Variants in DIAPH2 observed in about 807,000 individuals in gnomAD.
The protein encoded by DIAPH2 is diaphanous related formin 2, also known as protein diaphanous homolog 2.
In DIAPH2, 35 loss-of-function variants were observed where a neutral mutation model predicts 92.7. The ratio of observed to expected loss-of-function variants is 0.38; its 90% CI spans 0.29 to 0.50. The LOEUF (loss-of-function observed/expected upper bound fraction) is 0.50. Ranked by LOEUF, DIAPH2 falls within the 20% of genes least tolerant of loss-of-function variation. DIAPH2 has a pLI of 0.94. For missense variants in DIAPH2, 701 were observed against 819.5 expected, an observed-to-expected ratio of 0.86 and a Z score of 1.77; for synonymous variants, 301 against 280.4, an observed-to-expected ratio of 1.07 and a Z score of -0.73.
intron 1 of DIAPH2, among the ~76,000 whole-genome samples, chrX:96,721,418 T>C (rs1476149359): frequency 8.9e-6 from 1 of 112,145 alleles, no homozygotes; most frequent in African/African-American, 3.2e-5. Context: ...CATTTGTTGC[T>C]TACTGACTGT....
At chrX:96,751,334 T>G (rs2064185655) in intron 3 of DIAPH2, among the ~76,000 whole-genome samples, 1 of 109,936 alleles carries the variant, frequency 9.1e-6, no homozygotes, top group South Asian at 4.0e-4. Context: ...TCCAGCACTT[T>G]GGGAGGCCGA....
At chrX:97,254,921 G>T (rs1479813708) in intron 23 of DIAPH2, among the ~76,000 whole-genome samples, 1 of 109,791 alleles carries the variant, frequency 9.1e-6, no homozygotes, top group Non-Finnish European at 1.9e-5. Flanking sequence ...GGCCAGGCTG[G>T]TCTCGAACTC....
At chrX:96,875,058 T>G (rs1946233537) in intron 4 of DIAPH2, among the ~76,000 whole-genome samples, 1 of 112,273 alleles carries the variant, frequency 8.9e-6, no homozygotes, top group Admixed American at 9.5e-5. Flanking sequence ...AAACTTTGTT[T>G]CATGCACAAA....
At chrX:97,582,488 T>C (rs1458935647) in intron 26 of DIAPH2, among the ~76,000 whole-genome samples, 2 of 110,728 alleles carry the variant, frequency 1.8e-5, no homozygotes, top group Admixed American at 9.6e-5. Flanking sequence ...TCTTTAAGAA[T>C]GTTGAATACT....
chrX:96,833,817 T>C (rs916727848), intron 4 of DIAPH2, among the ~76,000 whole-genome samples: 4 of 110,333 alleles, frequency 3.6e-5, no homozygotes, highest in East Asian at 2.8e-4. Context: ...TACACCACCA[T>C]GTCTGGCTAA....
chrX:97,382,725 A>C (rs2069562616), intron 24 of DIAPH2, among the ~76,000 whole-genome samples: 1 of 111,860 alleles, frequency 8.9e-6, no homozygotes, highest in Admixed American at 9.5e-5. Flanking sequence ...TGAAGGTAAA[A>C]TCATTTAGAT....
chrX:97,590,819 G>T (rs893477864), intron 26 of DIAPH2, among the ~76,000 whole-genome samples: 2 of 111,467 alleles, frequency 1.8e-5, no homozygotes, highest in Non-Finnish European at 3.8e-5. Flanking sequence ...GAAGATTTCA[G>T]AGAGCCCATT....
intron 23 of DIAPH2, among the ~76,000 whole-genome samples, chrX:97,294,242 C>G (rs2068624613): frequency 8.9e-6 from 1 of 111,881 alleles, no homozygotes; most frequent in African/African-American, 3.2e-5. Context: ...GGTTTGCCTC[C>G]TTGGTTTTCT....
intron 3 of DIAPH2, among the ~76,000 whole-genome samples, chrX:96,757,330 A>G (rs2064237822): frequency 8.9e-6 from 1 of 111,773 alleles, no homozygotes; most frequent in South Asian, 3.7e-4. Flanking sequence ...GTACACATCT[A>G]TATCAGACAT....
At position 97,460,635 on chromosome X, in the gene DIAPH2, G is replaced by A. The variant is rs149678544; in HGVS notation, c.3241+30890G>A. ...GAAAGGAAGGTAGAATTGGAAGCCT[G>A]TGGAGGCAGGGGAGGTCTGGGGACA... On this transcript the variant is annotated intron_variant, in intron 26 of 26. Transcript: ENST00000324765. Among the ~76,000 whole-genome samples the A allele has an allele frequency of 5.5e-3, 620 of 111,911 alleles. 2 individuals are homozygous for A. Among genetic ancestry groups the A allele is most frequent in the African/African-American group, 0.019 (587 of 30,799 alleles).
intron 26 of DIAPH2, among the ~76,000 whole-genome samples, chrX:97,558,981 A>G (rs1466064659): frequency 8.9e-6 from 1 of 112,034 alleles, no homozygotes; most frequent in East Asian, 2.8e-4. Context: ...CATGCTGGGT[A>G]GCAACATTGA....
chrX:96,939,617 T>TAC (rs1271767497), intron 12 of DIAPH2, among the ~76,000 whole-genome samples: 15 of 41,544 alleles, frequency 3.6e-4, no homozygotes, highest in Middle Eastern at 0.014. Flanking sequence ...CACACACACA[T>TAC]ATACACACAC....
chrX:97,289,506 C>T (rs750589311), intron 23 of DIAPH2, among the ~76,000 whole-genome samples: 29 of 111,271 alleles, frequency 2.6e-4, no homozygotes, highest in South Asian at 1.5e-3. Context: ...CTTTAAAGTT[C>T]TTGTATCTCA....
At chrX:97,419,720 G>A (rs2069987607) in intron 25 of DIAPH2, among the ~76,000 whole-genome samples, 4 of 111,035 alleles carry the variant, frequency 3.6e-5, no homozygotes. Context: ...AAATCTCTTC[G>A]AACACTGCCT....
chrX:96,760,594 G>T (rs1205752795), intron 4 of DIAPH2, among the ~76,000 whole-genome samples: 1 of 111,124 alleles, frequency 9.0e-6, no homozygotes, highest in African/African-American at 3.3e-5. Flanking sequence ...CCAGATTTTA[G>T]ATAGAAATGT....
intron 22 of DIAPH2, among the ~76,000 whole-genome samples, chrX:97,200,120 C>G (rs1314858518): frequency 8.9e-6 from 1 of 111,749 alleles, no homozygotes; most frequent in East Asian, 2.8e-4. Context: ...CTCCCTCCCC[C>G]AGCCAAGGGA....
At chrX:97,377,611 G>T (rs942260105) in intron 24 of DIAPH2, among the ~76,000 whole-genome samples, 1 of 111,799 alleles carries the variant, frequency 8.9e-6, no homozygotes, top group Non-Finnish European at 1.9e-5. Context: ...TGGCCCAAGG[G>T]CATAAAGCAC....
At chrX:97,254,694 TTTTA>T (rs1312727058) in intron 23 of DIAPH2, among the ~76,000 whole-genome samples, 2 of 108,444 alleles carry the variant, frequency 1.8e-5, no homozygotes, top group Non-Finnish European at 3.8e-5. Flanking sequence ...CTTTATTTTA[TTTTA>T]TTTATTTTAT....
At chrX:97,020,750 G>C in intron 17 of DIAPH2, among the ~76,000 whole-genome samples, 1 of 111,856 alleles carries the variant, frequency 8.9e-6, no homozygotes, top group African/African-American at 3.2e-5. Context: ...TGTTCCAGGC[G>C]GGATGGAGCA....
Sources: allele counts gnomAD v4.1 joint callset (sites outside exome capture counted in the v4.1 genomes callset), GRCh38; gene constraint gnomAD v4.1.1; transcripts MANE v1.5; gene names NCBI Gene and HGNC (gene_info 2026-07-23, HGNC 2026-07-21).